Variants in PCDHGB1 observed in about 807,000 individuals in gnomAD.
PCDHGB1 encodes protocadherin gamma subfamily B, 1, also known as protocadherin gamma-B1.
In PCDHGB1, 34 loss-of-function variants were observed where a neutral mutation model predicts 56.6. The observed-to-expected ratio is 0.60, with a 90% confidence interval of 0.46 to 0.80. The LOEUF (loss-of-function observed/expected upper bound fraction) is 0.80. Ranked by LOEUF, PCDHGB1 falls within the 30% of genes least tolerant of loss-of-function variation. PCDHGB1 has a pLI of 0.00. For synonymous variants in PCDHGB1, 561 were observed against 505.9 expected (o/e 1.11, Z -1.46); for missense variants, 1,278 against 1,204.6 (o/e 1.06, Z -0.90).
In PCDHGB1 at chr5:141,489,872, T is replaced by A. The variant is rs2099693206; in HGVS notation, c.2410-4935T>A. 1 of 1,614,090 alleles carries A rather than the reference T, an allele frequency of 6.2e-7. No homozygotes were observed. The highest frequency in any genetic ancestry group is 8.5e-7 in the Non-Finnish European group (1 of 1,180,016). On this transcript the variant is annotated intron_variant, in intron 1 of 3. Coordinates refer to ENST00000523390, the MANE Select transcript of PCDHGB1 (RefSeq NM_018922.3). The surrounding 1 kb of genome is among the most constrained non-coding windows in gnomAD (Gnocchi z 4.5). ...GAAGCCCAGGCAAGACATCAGCTGG[T>A]GCTTACTGCTGTGGATGGGGGGACC...
In PCDHGB1 at chr5:141,489,291, C is replaced by A; in HGVS notation, c.2410-5516C>A. ...TCGCTGGGAAATGGCAAGTGCTGTG[C>A]ATGTTGTCCTTGTGCTGCTGGGGCT... is the stretch of plus-strand genomic sequence containing the variant. On this transcript the variant is annotated intron_variant, in intron 1 of 3. Transcript: ENST00000523390. This position sits in a 1 kb window ranked among gnomAD's most constrained non-coding sequence, Gnocchi z 4.5. 6.3e-7 allele frequency: 1 copy of A among 1,577,628 alleles called. No homozygotes were observed. The highest frequency in any genetic ancestry group is 8.6e-7 in the Non-Finnish European group (1 of 1,161,994).
At position 141,351,537 on chromosome 5, in the gene PCDHGB1, C is replaced by T. The variant is rs772418537; in HGVS notation, c.1277C>T (p.Pro426Leu). 9 of 1,614,020 alleles carry T rather than the reference C, an allele frequency of 5.6e-6. No individual in the cohort carries two copies. The highest frequency in any genetic ancestry group is 1.6e-4 in the Middle Eastern group (1 of 6,062). ...ATCATAGCCACCGACAAGGGCAAACCAGCCCTTTCCTCCAGGACAAGCATC... is the reference window on the plus strand; with the variant it reads ...ATCATAGCCACCGACAAGGGCAAACTAGCCCTTTCCTCCAGGACAAGCATC... ...VTIIATDKGK[P>L]ALSSRTSITL... Residue 426 changes from proline (P) to leucine (L), a missense_variant, in exon 1 of 4, where the codon CCA becomes CTA. By Grantham distance (98) the Pro-to-Leu change is moderately conservative. Transcript: ENST00000523390.
At chr5:141,439,506 C>G (rs2098117403) in intron 1 of PCDHGB1, among the ~76,000 whole-genome samples, 1 of 152,234 alleles carries the variant, frequency 6.6e-6, no homozygotes, top group Non-Finnish European at 1.5e-5. Flanking sequence ...GTCTTTCTCT[C>G]TGCTCTCAAC....
In PCDHGB1 at chr5:141,351,767, G is replaced by A. The variant is rs371048978; in HGVS notation, c.1507G>A (p.Val503Met). Residue 503 changes from valine (V) to methionine (M), a missense_variant, in exon 1 of 4, where the codon GTG becomes ATG. Coordinates refer to ENST00000523390, the MANE Select transcript of PCDHGB1 (RefSeq NM_018922.3). ...GCGGGAGCTGTTGTCCTACGTGTCC[G>A]TGAGCCCGCAGAGCGGGGTGGTGTT... Reference protein sequence around the residue: ...EPRELLSYVSVSPQSGVVFAQ... With the variant: ...EPRELLSYVSMSPQSGVVFAQ... 379 of 1,613,510 alleles carry A rather than the reference G, an allele frequency of 2.3e-4. 3 individuals are homozygous for A. The East Asian group carries it at 7.6e-3, about 32-fold the overall frequency.
At chr5:141,433,129 C>T in intron 1 of PCDHGB1, 1 of 1,614,130 alleles carries the variant, frequency 6.2e-7, no homozygotes, top group Non-Finnish European at 8.5e-7. Context: ...AAAGCGAGCC[C>T]CTTTTGCTGT....
In PCDHGB1 at chr5:141,427,967, G is replaced by A. The variant is rs535332244; in HGVS notation, c.2410-66840G>A. On this transcript the variant is annotated intron_variant, in intron 1 of 3. Coordinates refer to ENST00000523390, the MANE Select transcript of PCDHGB1 (RefSeq NM_018922.3). The stretch of plus-strand genomic sequence containing the variant: ...TCAATGACAATGTGCCGCGGGTGCT[G>A]TACCCCGCGCTGGGGCCCGATGGCT... 10 of 1,591,190 alleles carry A rather than the reference G, an allele frequency of 6.3e-6. No individual in the cohort carries two copies. In the East Asian group the frequency reaches 8.9e-5, roughly 14 times the overall value.
Position 141,486,032 on chromosome 5 carries a change from G to C in PCDHGB1, c.2410-8775G>C, listed in dbSNP as rs560909128. The C allele has an allele frequency of 1.2e-6, 2 of 1,614,166 alleles. No individual in the cohort carries two copies. Among genetic ancestry groups the C allele is most frequent in the African/African-American group, 2.7e-5 (2 of 75,034 alleles). On this transcript the variant is annotated intron_variant, in intron 1 of 3. Transcript: ENST00000523390. This position sits in a 1 kb window ranked among gnomAD's most constrained non-coding sequence, Gnocchi z 5.0. ...CTTTTATTTCAGTGGTCATACCCCT[G>C]ATCGTGTAAGAAACCTCTTTAGCCT... is the stretch of plus-strand genomic sequence containing the variant.
chr5:141,437,262 G>A (rs1490690532), intron 1 of PCDHGB1, among the ~76,000 whole-genome samples: 1 of 152,152 alleles, frequency 6.6e-6, no homozygotes, highest in Non-Finnish European at 1.5e-5. Flanking sequence ...CTTTTTATGT[G>A]TATGACAGAT....
chr5:141,468,486 TG>T (rs1562016448), intron 1 of PCDHGB1: 14 of 152,288 alleles, frequency 9.2e-5, no homozygotes. Context: ...GTAGGTCTCA[TG>T]GAAGATTTTC....
intron 1 of PCDHGB1, chr5:141,355,063 C>A (rs902736924): frequency 9.1e-6 from 12 of 1,314,416 alleles, no homozygotes; most frequent in Admixed American, 2.9e-5. Flanking sequence ...GGCTCTGGAG[C>A]TTTATGAAAG....
At chr5:141,416,132 A>C in intron 1 of PCDHGB1, 1 of 154,082 alleles carries the variant, frequency 6.5e-6, no homozygotes, top group Non-Finnish European at 1.4e-5. Context: ...ATATTTTTCA[A>C]TCTATACTTT....
Position 141,431,592 on chromosome 5 carries a change from G to A in PCDHGB1, c.2410-63215G>A, listed in dbSNP as rs1429358254. 2.5e-6 allele frequency: 4 copies of A among 1,614,100 alleles called. No individual in the cohort carries two copies. The Admixed American group carries it at 6.7e-5, about 27-fold the overall frequency. The stretch of plus-strand genomic sequence containing the variant: ...GACGAAGGAGTCAATGCGGAAGTGA[G>A]GTATTCCTTCCGGTATGTGGACGAC... On this transcript the variant is annotated intron_variant, in intron 1 of 3. Transcript: ENST00000523390. The surrounding 1 kb of genome is among the most constrained non-coding windows in gnomAD (Gnocchi z 4.8).
chr5:141,492,079 G>C (rs1400390407), intron 1 of PCDHGB1: 3 of 486,286 alleles, frequency 6.2e-6, no homozygotes, highest in South Asian at 4.1e-5. Flanking sequence ...CGCCGGCTCC[G>C]GCACGCTTCG....
intron 1 of PCDHGB1, among the ~76,000 whole-genome samples, chr5:141,444,770 C>A (rs1382748105): frequency 2.6e-5 from 4 of 152,078 alleles, no homozygotes; most frequent in African/African-American, 9.7e-5. Context: ...TTTCTATATT[C>A]TTGATCATGT....
intron 1 of PCDHGB1, chr5:141,355,971 A>G: frequency 6.2e-7 from 1 of 1,613,870 alleles, no homozygotes; most frequent in Non-Finnish European, 8.5e-7. Context: ...ACGTTCCTGT[A>G]GGCACTCGGC....
In PCDHGB1 at chr5:141,490,304, T is replaced by G. The variant is rs2099698490; in HGVS notation, c.2410-4503T>G. On this transcript the variant is annotated intron_variant, in intron 1 of 3. Coordinates refer to ENST00000523390, the MANE Select transcript of PCDHGB1 (RefSeq NM_018922.3). This position sits in a 1 kb window ranked among gnomAD's most constrained non-coding sequence, Gnocchi z 5.4. ...GCCCCAGAGGTGCTATTGGCCTCTT[T>G]GGCCAACCCTGTCCTAGAGAGCACA... 1.2e-6 allele frequency: 2 copies of G among 1,614,026 alleles called. No homozygotes were observed. The highest frequency in any genetic ancestry group is 1.7e-5 in the Admixed American group (1 of 60,010).
At chr5:141,462,203 G>T (rs544238255) in intron 1 of PCDHGB1, among the ~76,000 whole-genome samples, 2 of 152,036 alleles carry the variant, frequency 1.3e-5, no homozygotes, top group African/African-American at 4.8e-5. Flanking sequence ...CAGGTGATCC[G>T]CCTGCCTCGG....
chr5:141,473,975 G>T (rs188916402), intron 1 of PCDHGB1, among the ~76,000 whole-genome samples: 1 of 152,104 alleles, frequency 6.6e-6, no homozygotes, highest in Non-Finnish European at 1.5e-5. Flanking sequence ...AGTCTGAGGC[G>T]GGAGGATCCC....
At chr5:141,403,267 C>A in intron 1 of PCDHGB1, 1 of 1,613,888 alleles carries the variant, frequency 6.2e-7, no homozygotes, top group Non-Finnish European at 8.5e-7. Context: ...GTCTGGTGAA[C>A]TTTAAAGTCC....
Sources: gnomAD v4.1 joint callset for allele counts (sites outside exome capture counted in the v4.1 genomes callset) on GRCh38, gnomAD v4.1.1 for gene constraint, Gnocchi (gnomAD v3.1) non-coding constraint, MANE v1.5 for transcripts, NCBI Gene and HGNC (gene_info 2026-07-23, HGNC 2026-07-21) for gene names.